ANKS1B: variants seen among roughly 807,000 people sequenced by gnomAD.
The protein encoded by ANKS1B is ankyrin repeat and sterile alpha motif domain-containing protein 1B.
Under a neutral mutation model 148.3 loss-of-function variants are expected in ANKS1B, and 36 were observed. The observed-to-expected ratio is 0.24, with a 90% confidence interval of 0.19 to 0.32. The LOEUF is 0.32. ANKS1B is among the 10% of genes least tolerant of loss of function. The pLI is 1.00. For synonymous variants in ANKS1B, 542 were observed against 560.8 expected, an observed-to-expected ratio of 0.97 and a Z score of 0.47; for missense variants, 1,157 against 1,542.6, an observed-to-expected ratio of 0.75 and a Z score of 4.19.
intron 17 of ANKS1B, among the ~76,000 whole-genome samples, chr12:98,871,812 C>T (rs10492271): frequency 0.14 from 21,315 of 151,864 alleles, 1,552 homozygotes; most frequent in South Asian, 0.18. Flanking sequence ...ATTTAAGCAA[C>T]GTGAAATCTC....
At chr12:99,084,801 A>G (rs1393756993) in intron 16 of ANKS1B, 124 bp downstream of exon 16, 2 of 683,098 alleles carry the variant, frequency 2.9e-6, no homozygotes, top group Non-Finnish European at 4.9e-6. Context: ...ACCTAAGAAG[A>G]TCTGCTCTTG....
At chr12:99,780,758 T>A (rs1054849912) in intron 5 of ANKS1B, among the ~76,000 whole-genome samples, 3 of 152,168 alleles carry the variant, frequency 2.0e-5, no homozygotes, top group Non-Finnish European at 4.4e-5. Context: ...GTAAGTAACA[T>A]AAGAACAGTC....
intron 11 of ANKS1B, among the ~76,000 whole-genome samples, chr12:99,413,179 A>G (rs919990225): frequency 2.0e-5 from 3 of 152,204 alleles, no homozygotes; most frequent in Admixed American, 6.5e-5. Flanking sequence ...GAAGCCTATA[A>G]TGTTAGTATC....
chr12:98,767,409 G>A (rs527803047), intron 25 of ANKS1B, among the ~76,000 whole-genome samples: 13 of 152,214 alleles, frequency 8.5e-5, no homozygotes, highest in Admixed American at 7.9e-4. Flanking sequence ...AGGGAGCTCC[G>A]TCTCCCACAC....
intron 9 of ANKS1B, among the ~76,000 whole-genome samples, chr12:99,646,601 C>A (rs1457737965): frequency 2.8e-5 from 4 of 141,812 alleles, no homozygotes; most frequent in Non-Finnish European, 4.5e-5. Context: ...TTGCAGTGAG[C>A]CAAGATCACG....
At chr12:99,454,551 G>A (rs2095815047) in intron 10 of ANKS1B, among the ~76,000 whole-genome samples, 1 of 152,190 alleles carries the variant, frequency 6.6e-6, no homozygotes, top group South Asian at 2.1e-4. Context: ...ATGAACAGAT[G>A]GTTGGGAGAG....
Position 99,065,638 on chromosome 12 carries a change from CCCATCCAT to C in ANKS1B, c.2626-12337_2626-12330del, listed in dbSNP as rs34386631. 5.7e-3 allele frequency among the ~76,000 whole-genome samples: 239 copies of C among 41,918 alleles called. 1 individual carries two copies. The highest frequency in any genetic ancestry group is 0.011 in the African/African-American group (217 of 19,692). The allele number at this position is 41,918 out of a possible 152,430, so 27.5% of individuals were successfully genotyped here. ...TCCATCCATCCATCCATCCATCCAT[CCCATCCAT>C]CCATCCATCCATCCATCCATCCATC... is the stretch of plus-strand genomic sequence containing the variant. On this transcript the variant is annotated intron_variant, in intron 16 of 26. Coordinates refer to ENST00000683438, the MANE Select transcript of ANKS1B (RefSeq NM_001352186.2).
At chr12:99,337,637 T>C (rs574213086) in intron 12 of ANKS1B, among the ~76,000 whole-genome samples, 1 of 152,266 alleles carries the variant, frequency 6.6e-6, no homozygotes, top group Admixed American at 6.5e-5. Flanking sequence ...CCATTCTTCT[T>C]GGGAGGGATT....
At chr12:99,841,167 T>A (rs2085686570) in intron 1 of ANKS1B, among the ~76,000 whole-genome samples, 1 of 152,072 alleles carries the variant, frequency 6.6e-6, no homozygotes, top group Non-Finnish European at 1.5e-5. Flanking sequence ...ACTGTAAAGA[T>A]TAAATTAGAT....
intron 14 of ANKS1B, among the ~76,000 whole-genome samples, chr12:99,239,691 G>C (rs1240719681): frequency 3.9e-5 from 6 of 152,206 alleles, no homozygotes; most frequent in Non-Finnish European, 8.8e-5. Flanking sequence ...CCCACAAAGG[G>C]AAGCCCATTA....
At position 99,118,333 on chromosome 12, in the gene ANKS1B, C is replaced by G. The variant is rs145437268; in HGVS notation, c.2527-33310G>C. 2.9e-4 allele frequency among the ~76,000 whole-genome samples: 44 copies of G among 152,164 alleles called. No individual in the cohort carries two copies. In the South Asian group the frequency reaches 5.4e-3, roughly 19 times the overall value. The stretch of plus-strand genomic sequence containing the variant: ...ACAATGGAAGCAAGAATATAAATGA[C>G]TTTATAAAACTAAAAAGTTTTAAAT... On this transcript the variant is annotated intron_variant, in intron 15 of 26. Coordinates refer to ENST00000683438, the MANE Select transcript of ANKS1B (RefSeq NM_001352186.2).
At chr12:99,680,053 C>T (rs1002835678) in intron 8 of ANKS1B, among the ~76,000 whole-genome samples, 5 of 152,204 alleles carry the variant, frequency 3.3e-5, no homozygotes, top group African/African-American at 1.2e-4. Flanking sequence ...AAACACACAT[C>T]CTCCTTGGGG....
chr12:99,510,986 T>A (rs2096759864), intron 9 of ANKS1B, among the ~76,000 whole-genome samples: 1 of 151,928 alleles, frequency 6.6e-6, no homozygotes, highest in Non-Finnish European at 1.5e-5. Context: ...TTGTTTGACT[T>A]CTTCTCTTCC....
intron 17 of ANKS1B, among the ~76,000 whole-genome samples, chr12:99,040,479 G>A (rs191774369): frequency 2.0e-5 from 3 of 152,292 alleles, no homozygotes; most frequent in African/African-American, 4.8e-5. Flanking sequence ...GGGAAAGACT[G>A]CGGATGTTCA....
chr12:99,637,243 C>T (rs972312472), intron 9 of ANKS1B, among the ~76,000 whole-genome samples: 3 of 152,144 alleles, frequency 2.0e-5, no homozygotes, highest in Non-Finnish European at 2.9e-5. Context: ...ACCTGGGAGG[C>T]GGAGTTTGCC....
intron 8 of ANKS1B, among the ~76,000 whole-genome samples, chr12:99,698,567 A>C (rs1426950293): frequency 4.1e-4 from 62 of 152,182 alleles, no homozygotes; most frequent in Admixed American, 4.0e-3. Context: ...TCCATGACTT[A>C]AGAAAAAAAA....
chr12:99,126,709 T>C (rs2064463303), intron 15 of ANKS1B, among the ~76,000 whole-genome samples: 1 of 152,190 alleles, frequency 6.6e-6, no homozygotes, highest in Non-Finnish European at 1.5e-5. Context: ...ACTCTACTTA[T>C]TTCCAAGAGG....
At chr12:99,744,263 A>G (rs926097668) in intron 8 of ANKS1B, among the ~76,000 whole-genome samples, 2 of 152,214 alleles carry the variant, frequency 1.3e-5, no homozygotes, top group African/African-American at 4.8e-5. Context: ...CCTTTTTGAG[A>G]GTCAATCACA....
rs541438477 is a variant in ANKS1B, at chr12:99,599,028, A to G, written c.1272+56039T>C. Reference sequence around the variant, plus strand: ...CCCCTGGCTTGTAATCATATTGCACAATTTTTAAGTCTAGCATCTTGAAAT... The same window carrying G: ...CCCCTGGCTTGTAATCATATTGCACGATTTTTAAGTCTAGCATCTTGAAAT... On this transcript the variant is annotated intron_variant, in intron 9 of 26. Coordinates refer to ENST00000683438, the MANE Select transcript of ANKS1B (RefSeq NM_001352186.2). 4.8e-4 allele frequency among the ~76,000 whole-genome samples: 73 copies of G among 152,038 alleles called. 1 individual carries two copies. The highest frequency in any genetic ancestry group is 1.6e-3 in the African/African-American group (68 of 41,486).
Sources: allele counts gnomAD v4.1 joint callset (sites outside exome capture counted in the v4.1 genomes callset), GRCh38; gene constraint gnomAD v4.1.1; transcripts MANE v1.5; gene names NCBI Gene and HGNC (gene_info 2026-07-23, HGNC 2026-07-21).